Variants in RBM22 observed in about 807,000 individuals in gnomAD.
The protein encoded by RBM22 is RNA binding motif protein 22.
A neutral mutation model predicts 50.1 loss-of-function variants in RBM22; 1 was observed. The ratio of observed to expected loss-of-function variants is 0.02; its 90% CI spans 0.01 to 0.09. The LOEUF is 0.09. Ranked by LOEUF, RBM22 falls within the 10% of genes least tolerant of loss-of-function variation. The pLI, the probability that RBM22 is intolerant of heterozygous loss-of-function variation, is 1.00. For missense variants in RBM22, 264 were observed against 529.3 expected, an observed-to-expected ratio of 0.50 and a Z score of 4.92; for synonymous variants, 152 against 179.0, an observed-to-expected ratio of 0.85 and a Z score of 1.20.
In RBM22 at chr5:150,695,694, A is replaced by T; in HGVS notation, c.558T>A (p.Pro186=). The change falls in exon 7 of 11, where the codon CCT becomes CCA. Residue 186 remains proline (P), a synonymous_variant. Transcript: ENST00000199814. ...CAGCAAGGGGGTCATCTGGATCTGT[A>T]GGCTTCTCATGTCTATGATTCAAGA... ...GEECPYRHEK[P]TDPDDPLADQ... The T allele has an allele frequency of 6.2e-7, 1 of 1,609,974 alleles. No individual in the cohort carries two copies.
At chr5:150,693,510 C>G (rs1036478874) in intron 8 of RBM22, among the ~76,000 whole-genome samples, 2 of 152,206 alleles carry the variant, frequency 1.3e-5, no homozygotes, top group Non-Finnish European at 2.9e-5. Flanking sequence ...GCTGCTAGAA[C>G]TATCATAAGG....
In RBM22 at chr5:150,691,020, C is replaced by A. The variant is rs1759200795; in HGVS notation, c.*731G>T. The A allele has an allele frequency of 6.6e-6, 1 of 152,340 alleles. No individual in the cohort carries two copies. The highest frequency in any genetic ancestry group is 1.5e-5 in the Non-Finnish European group (1 of 68,042). The allele number at this position is 152,340 out of a possible 1,614,324, so 9.4% of individuals were successfully genotyped here. On this transcript the variant is annotated 3_prime_UTR_variant, in exon 11 of 11. Transcript: ENST00000199814. ...CTTTTCATTTCAGTTTGTTAAAGAA[C>A]GTGTTTTACAGGAAGTTCTTTACAG...
At chr5:150,693,882 G>A (rs1006795543) in intron 8 of RBM22, among the ~76,000 whole-genome samples, 194 bp downstream of exon 8, 1 of 152,104 alleles carries the variant, frequency 6.6e-6, no homozygotes. Flanking sequence ...CCAACCCCCT[G>A]AATACATTTC....
chr5:150,694,442 G>A (rs1759248244), intron 7 of RBM22: 6 of 767,856 alleles, frequency 7.8e-6, no homozygotes, highest in Non-Finnish European at 9.4e-6. Context: ...AAAATAATGA[G>A]TAAATAAAGG....
chr5:150,695,647 T>C lies in RBM22; in HGVS notation c.605A>G (p.Tyr202Cys), dbSNP rs1268661439. Reference protein sequence around the residue: ...PLADQNIKDRYYGINDPVADK... With the variant: ...PLADQNIKDRCYGINDPVADK... ...AGCTACAGGATCATTGATTCCGTAA[T>C]AACGGTCTTTAATATTCTGATCAGC... Residue 202 changes from tyrosine (Y) to cysteine (C), a missense_variant, in exon 7 of 11, where the codon TAT (tyrosine) becomes TGT (cysteine). Around this residue, in one of 7 missense-constraint regions of RBM22, gnomAD observed 62 missense variants for 102.6 expected, o/e 0.60. Transcript: ENST00000199814. The C allele has an allele frequency of 6.2e-7, 1 of 1,612,466 alleles. No homozygotes were observed. The highest frequency in any genetic ancestry group is 1.7e-5 in the Admixed American group (1 of 60,002).
intron 7 of RBM22, chr5:150,695,257 C>T (rs1759260746): frequency 4.4e-6 from 2 of 458,324 alleles, no homozygotes; most frequent in African/African-American, 2.0e-5. Context: ...TCAAACTCCT[C>T]GGTTCAAGAG....
intron 2 of RBM22, 64 bp from the exon 3 acceptor site, chr5:150,699,335 C>T: frequency 6.6e-7 from 1 of 1,505,556 alleles, no homozygotes; most frequent in South Asian, 1.3e-5. Context: ...GATGTCTACT[C>T]TTTCCTTAAA....
chr5:150,692,170 G>T (rs562851295), intron 10 of RBM22, among the ~76,000 whole-genome samples: 1 of 152,260 alleles, frequency 6.6e-6, no homozygotes, highest in South Asian at 2.1e-4. Flanking sequence ...ATTCAGTCAG[G>T]ATTTGGGAGA....
At chr5:150,700,850 G>A (rs1220215313) in intron 1 of RBM22, 82 bp downstream of exon 1, 3 of 1,612,898 alleles carry the variant, frequency 1.9e-6, no homozygotes, top group Admixed American at 1.7e-5. Context: ...TCCTTCGGCC[G>A]CGCCGCAGGC....
At position 150,696,954 on chromosome 5, in the gene RBM22, GCA is replaced by G. The variant is rs765066694; in HGVS notation, c.272-65_272-64del. On this transcript the variant is annotated intron_variant, in intron 4 of 10. Coordinates refer to ENST00000199814, the MANE Select transcript of RBM22 (RefSeq NM_018047.3). This position sits in a 1 kb window ranked among gnomAD's most constrained non-coding sequence, Gnocchi z 4.3. ...TTTAAAACATATCCATACTAACCAT[GCA>G]CACAGAATACATCATCTTTCCCTTC... is the stretch of plus-strand genomic sequence containing the variant. 480 of 1,437,694 alleles carry G rather than the reference GCA, an allele frequency of 3.3e-4. No homozygotes were observed. Among genetic ancestry groups the G allele is most frequent in the Non-Finnish European group, 4.3e-4 (436 of 1,023,898 alleles). 89.1% of individuals were successfully genotyped at this position (1,437,694 alleles called of 1,614,324 possible). A position where few individuals can be genotyped will look rare whatever the true frequency, so the allele number is the denominator to read the frequency against.
intron 4 of RBM22, chr5:150,697,764 A>G: frequency 3.0e-6 from 1 of 331,648 alleles, no homozygotes; most frequent in South Asian, 2.3e-5. Flanking sequence ...CTCTTGTTGA[A>G]AAATTATCTT....
At position 150,695,495 on chromosome 5, in the gene RBM22, T is replaced by C. The variant is rs760012391; in HGVS notation, c.746+11A>G. Reference sequence around the variant, plus strand: ...AAGGCAAAAATAACTCTCTAACTTATACCCACAAACCTTAAATCTGTCTCA... The same window carrying C: ...AAGGCAAAAATAACTCTCTAACTTACACCCACAAACCTTAAATCTGTCTCA... On this transcript the variant is annotated intron_variant, in intron 7 of 10. Coordinates refer to ENST00000199814, the MANE Select transcript of RBM22 (RefSeq NM_018047.3). 39 of 1,601,682 alleles carry C rather than the reference T, an allele frequency of 2.4e-5. No individual in the cohort carries two copies. Among genetic ancestry groups the C allele is most frequent in the Middle Eastern group, 3.4e-4 (2 of 5,958 alleles).
Position 150,691,218 on chromosome 5 carries a change from A to G in RBM22, c.*533T>C, listed in dbSNP as rs1759203685. 6.6e-6 allele frequency: 1 copy of G among 152,358 alleles called. No individual in the cohort carries two copies. The highest frequency in any genetic ancestry group is 1.5e-5 in the Non-Finnish European group (1 of 68,054). The allele number at this position is 152,358 out of a possible 1,614,324, so 9.4% of individuals were successfully genotyped here. On this transcript the variant is annotated 3_prime_UTR_variant, in exon 11 of 11. Transcript: ENST00000199814. The stretch of plus-strand genomic sequence containing the variant: ...ATAAATGAGGAAAAGGAGAGGAAAG[A>G]GAAGATCTGGGCTGTGCTGGTGCTG...
In RBM22 at chr5:150,696,510, C is replaced by T. The variant is rs766208876; in HGVS notation, c.545+23G>A. On this transcript the variant is annotated intron_variant, in intron 6 of 10. Coordinates refer to ENST00000199814, the MANE Select transcript of RBM22 (RefSeq NM_018047.3). The surrounding 1 kb of genome is among the most constrained non-coding windows in gnomAD (Gnocchi z 4.3). ...ATGAGAAATCATCTGAAAGCAAATACTGAAAATGAGGCTCGCTCTTGCCTG... is the reference window on the plus strand; with the variant it reads ...ATGAGAAATCATCTGAAAGCAAATATTGAAAATGAGGCTCGCTCTTGCCTG... 2 of 1,593,716 alleles carry T rather than the reference C, an allele frequency of 1.3e-6. No homozygotes were observed. Among genetic ancestry groups the T allele is most frequent in the Non-Finnish European group, 1.7e-6 (2 of 1,167,434 alleles).
intron 8 of RBM22, 63 bp from the exon 9 acceptor site, chr5:150,693,370 T>C: frequency 7.6e-6 from 10 of 1,312,608 alleles, no homozygotes; most frequent in Admixed American, 1.7e-5. Context: ...CTCTGCTTCT[T>C]ACATTCCCCA....
In RBM22 at chr5:150,696,818, C is replaced by T. The variant is rs780769552; in HGVS notation, c.345G>A (p.Glu115=). ...CTCTCTCCATATTCTGTGTATAGTA[C>T]TCTTTGTTGACATCTGACTTTGGCA... ...DDMPKSDVNK[E]YYTQNMEREI... Residue 115 remains glutamate (E), a synonymous_variant, in exon 5 of 11, where the codon GAG becomes GAA. Coordinates refer to ENST00000199814, the MANE Select transcript of RBM22 (RefSeq NM_018047.3). The surrounding 1 kb of genome is among the most constrained non-coding windows in gnomAD (Gnocchi z 4.3). 33 of 1,614,054 alleles carry T rather than the reference C, an allele frequency of 2.0e-5. No individual in the cohort carries two copies. The highest frequency in any genetic ancestry group is 1.6e-4 in the Middle Eastern group (1 of 6,084).
intron 4 of RBM22, 146 bp downstream of exon 4, chr5:150,698,353 G>T: frequency 9.2e-7 from 1 of 1,089,114 alleles, no homozygotes; most frequent in Non-Finnish European, 1.3e-6. Flanking sequence ...CCTAATTATG[G>T]TTCTTTTCCT....
At chr5:150,697,063 A>G (rs1759285455) in intron 4 of RBM22, among the ~76,000 whole-genome samples, 172 bp from the exon 5 acceptor site, 1 of 152,198 alleles carries the variant, frequency 6.6e-6, no homozygotes, top group Admixed American at 6.5e-5. Context: ...TCTGCTACAC[A>G]GCATGCTAAG....
Position 150,696,403 on chromosome 5 carries a change from G to A in RBM22, c.545+130C>T. The A allele has an allele frequency of 9.8e-7, 1 of 1,016,854 alleles. No individual in the cohort carries two copies. The highest frequency in any genetic ancestry group is 1.6e-5 in the African/African-American group (1 of 62,004). 63.0% of individuals were successfully genotyped at this position (1,016,854 alleles called of 1,614,324 possible). On this transcript the variant is annotated intron_variant, in intron 6 of 10. Transcript: ENST00000199814. This position sits in a 1 kb window ranked among gnomAD's most constrained non-coding sequence, Gnocchi z 4.3. ...GCTCTTCTAAATTTCATAGTTCTAA[G>A]ACATGAGGTATACCACATTAGTTGT...
Sources: gnomAD v4.1 joint callset for allele counts (sites outside exome capture counted in the v4.1 genomes callset) on GRCh38, gnomAD v4.1.1 for gene constraint, gnomAD v4.1.1 regional missense constraint, Gnocchi (gnomAD v3.1) non-coding constraint, MANE v1.5 for transcripts, NCBI Gene and HGNC (gene_info 2026-07-23, HGNC 2026-07-21) for gene names.